Variants in ZNF248 observed in about 807,000 individuals in gnomAD.
The protein encoded by ZNF248 is zinc finger protein 248, also known as KRAB protein domain.
ZNF248 carries 20 observed loss-of-function variants against 44.3 expected under a neutral mutation model. The ratio of observed to expected loss-of-function variants is 0.45; its 90% CI spans 0.32 to 0.66. ZNF248 has a LOEUF of 0.66. ZNF248 is among the 30% of genes least tolerant of loss of function. ZNF248 has a pLI of 0.04. For synonymous variants in ZNF248, 224 were observed against 229.0 expected (o/e 0.98, Z 0.20); for missense variants, 654 against 677.0 (o/e 0.97, Z 0.38).
Position 37,832,435 on chromosome 10 carries a change from CAGA to C in ZNF248, c.917_919del (p.Phe306del), listed in dbSNP as rs748501331. On this transcript the variant is annotated inframe_deletion, in exon 6 of 6. Transcript: ENST00000395867. ...ATGGATAATGAAAGCTGAATTGTCA[CAGA>C]AGATTTCCCCATATTCATTATATTC... 1.2e-6 allele frequency: 2 copies of C among 1,613,996 alleles called. No individual in the cohort carries two copies. The highest frequency in any genetic ancestry group is 1.1e-5 in the South Asian group (1 of 91,082).
At chr10:37,853,504 A>C (rs2134915839) in intron 3 of ZNF248, among the ~76,000 whole-genome samples, 1 of 152,202 alleles carries the variant, frequency 6.6e-6, no homozygotes, top group South Asian at 2.1e-4. Flanking sequence ...CAGCCTCCCG[A>C]GTAGCTGGGA....
intron 3 of ZNF248, among the ~76,000 whole-genome samples, chr10:37,852,870 A>AT (rs933597904): frequency 1.5e-4 from 22 of 147,680 alleles, no homozygotes; most frequent in Non-Finnish European, 1.4e-4. Flanking sequence ...AAGGCAGATA[A>AT]TTTTTTTTTT....
At chr10:37,764,949 C>A in the ZNF248 span, among the ~76,000 whole-genome samples, 1 of 151,612 alleles carries the variant, frequency 6.6e-6, no homozygotes, top group African/African-American at 2.4e-5. Flanking sequence ...ACACCTAAGA[C>A]ACTTTTTGAG....
Position 37,777,694 on chromosome 10 carries a change from C to T in ZNF248, c.331-1119G>A, listed in dbSNP as rs537957270. Among the ~76,000 whole-genome samples, 11 of 120,138 alleles carry T rather than the reference C, an allele frequency of 9.2e-5. 1 individual carries two copies. The highest frequency in any genetic ancestry group is 0.011 in the Middle Eastern group (2 of 184). 78.8% of individuals were successfully genotyped at this position (120,138 alleles called of 152,430 possible). ...ATGCTATCCCTCCCCCCTCCCCCCA[C>T]CCCACAACAGTCCCCAGAGTGTGAT... On this transcript the variant is annotated intron_variant, in intron 6 of 6. Transcript: ENST00000615949.
the ZNF248 span, among the ~76,000 whole-genome samples, chr10:37,759,655 T>C: frequency 6.6e-6 from 1 of 152,116 alleles, no homozygotes; most frequent in Admixed American, 6.5e-5. Flanking sequence ...GCCTTTTTAG[T>C]AAAGATTAGT....
At chr10:37,760,858 G>A in the ZNF248 span, among the ~76,000 whole-genome samples, 3 of 152,226 alleles carry the variant, frequency 2.0e-5, no homozygotes, top group Middle Eastern at 6.8e-3. Flanking sequence ...GTATTATAAA[G>A]ACATACTAAA....
chr10:37,776,553 C>T (rs1564447346), exon 7 of ZNF248: 1 of 398,368 alleles, frequency 2.5e-6, no homozygotes, highest in Non-Finnish European at 4.4e-6. Flanking sequence ...GAACTGCTTT[C>T]TTCCGAGGAG....
chr10:37,837,939 G>A (rs375560113), intron 4 of ZNF248, 46 bp downstream of exon 4: 13 of 1,596,180 alleles, frequency 8.1e-6, no homozygotes, highest in Middle Eastern at 1.7e-4. Context: ...GCATCAACTA[G>A]TAAATGCATG....
At position 37,835,693 on chromosome 10, in the gene ZNF248, A is replaced by T. The variant is rs538495237; in HGVS notation, c.238+1924T>A. 2.6e-4 allele frequency among the ~76,000 whole-genome samples: 40 copies of T among 152,280 alleles called. 1 individual carries two copies. Among genetic ancestry groups the T allele is most frequent in the Non-Finnish European group, 3.4e-4 (23 of 68,012 alleles). ...ACGAGAAGGAATAAGGAAAAGAAAG[A>T]AGATGAGGAGGAGCAGCTGCAACCA... On this transcript the variant is annotated intron_variant, in intron 5 of 5. Transcript: ENST00000395867.
At chr10:37,815,090 G>T (rs1450386612) in intron 6 of ZNF248, among the ~76,000 whole-genome samples, 3 of 149,070 alleles carry the variant, frequency 2.0e-5, no homozygotes, top group Non-Finnish European at 3.0e-5. Context: ...TTTTTGAGAT[G>T]GAGTCTCGTT....
intron 6 of ZNF248, among the ~76,000 whole-genome samples, chr10:37,779,431 A>C (rs1429827635): frequency 6.6e-6 from 1 of 152,206 alleles, no homozygotes; most frequent in East Asian, 1.9e-4. Flanking sequence ...TTATCTCAAT[A>C]GATGCAGAAA....
the ZNF248 span, among the ~76,000 whole-genome samples, chr10:37,765,495 C>A: frequency 6.6e-6 from 1 of 152,182 alleles, no homozygotes; most frequent in Non-Finnish European, 1.5e-5. Flanking sequence ...TCAGTTATGA[C>A]AATTCAGTTA....
At chr10:37,793,501 A>G (rs1343680377) in intron 6 of ZNF248, among the ~76,000 whole-genome samples, 1 of 152,230 alleles carries the variant, frequency 6.6e-6, no homozygotes. Flanking sequence ...GGTATCAAAT[A>G]TAACATTTTA....
At chr10:37,822,270 G>A (rs544909712) in intron 6 of ZNF248, among the ~76,000 whole-genome samples, 13 of 152,182 alleles carry the variant, frequency 8.5e-5, no homozygotes, top group Middle Eastern at 3.4e-3. Context: ...CACAAACTGC[G>A]TATCAATTTC....
Position 37,857,313 on chromosome 10 carries a change from G to A in ZNF248, c.-254C>T, listed in dbSNP as rs2061474849. 1 of 152,392 alleles carries A rather than the reference G, an allele frequency of 6.6e-6. No individual in the cohort carries two copies. Among genetic ancestry groups the A allele is most frequent in the Admixed American group, 6.5e-5 (1 of 15,286 alleles). The allele number at this position is 152,392 out of a possible 1,614,324, so 9.4% of individuals were successfully genotyped here. ...ACGTGTAAATAATTACTTGGGATAG[G>A]AGGGCGGTCAGAGCCAGCAGGGGCC... On this transcript the variant is annotated 5_prime_UTR_variant, in exon 1 of 6. Transcript: ENST00000395867.
intron 6 of ZNF248, among the ~76,000 whole-genome samples, chr10:37,823,117 C>T (rs528111500): frequency 2.6e-5 from 4 of 151,990 alleles, no homozygotes; most frequent in African/African-American, 4.8e-5. Context: ...GGGCCAATCA[C>T]GAGGTCAAGG....
At chr10:37,843,483 G>A (rs2058731073) in intron 3 of ZNF248, among the ~76,000 whole-genome samples, 1 of 151,066 alleles carries the variant, frequency 6.6e-6, no homozygotes, top group Admixed American at 6.6e-5. Flanking sequence ...GTAAAAATCT[G>A]ATTTCCCGAC....
At chr10:37,774,107 C>T (rs564707629), downstream of ZNF248, among the ~76,000 whole-genome samples, 5 of 152,024 alleles carry the variant, frequency 3.3e-5, no homozygotes, top group Admixed American at 1.3e-4. Context: ...TAAAGTTTTT[C>T]CTCCATTCCA....
At chr10:37,786,921 T>C (rs1010086094) in intron 6 of ZNF248, among the ~76,000 whole-genome samples, 1 of 152,238 alleles carries the variant, frequency 6.6e-6, no homozygotes, top group Non-Finnish European at 1.5e-5. Context: ...TTAGGTGTCA[T>C]GTCTAAGAAA....
Sources: allele counts gnomAD v4.1 joint callset (sites outside exome capture counted in the v4.1 genomes callset), GRCh38; gene constraint gnomAD v4.1.1; transcripts MANE v1.5; gene names NCBI Gene and HGNC (gene_info 2026-07-23, HGNC 2026-07-21).